GIGYF2: variants seen among roughly 807,000 people sequenced by gnomAD.
The protein encoded by GIGYF2 is GRB10 interacting GYF protein 2.
In GIGYF2, 25 loss-of-function variants were observed where a neutral mutation model predicts 208.1. The ratio of observed to expected loss-of-function variants is 0.12; its 90% CI spans 0.09 to 0.17. The LOEUF (loss-of-function observed/expected upper bound fraction) is 0.17. Ranked by LOEUF, GIGYF2 falls within the 10% of genes least tolerant of loss-of-function variation. The pLI, the probability that GIGYF2 is intolerant of heterozygous loss-of-function variation, is 1.00. For missense variants in GIGYF2, 1,302 were observed against 1,579.4 expected, an observed-to-expected ratio of 0.82 and a Z score of 2.98; for synonymous variants, 534 against 543.8, an observed-to-expected ratio of 0.98 and a Z score of 0.25.
At position 232,756,364 on chromosome 2, in the gene GIGYF2, G is replaced by A. The variant is rs199601372; in HGVS notation, c.379+30G>A. The A allele has an allele frequency of 3.5e-5, 36 of 1,022,506 alleles. No individual in the cohort carries two copies. The East Asian group carries it at 5.3e-4, about 15-fold the overall frequency. The allele number at this position is 1,022,506 out of a possible 1,614,324, so 63.3% of individuals were successfully genotyped here. On this transcript the variant is annotated intron_variant, in intron 6 of 28. Coordinates refer to ENST00000373563, the MANE Select transcript of GIGYF2 (RefSeq NM_001103146.3). ...GCTTTCATATGAAAAAAGTAATAAT[G>A]GAGGAGGAGGAGGAGGATAGAGAAC...
chr2:232,858,902 A>G lies in GIGYF2; in HGVS notation c.*2042A>G, dbSNP rs1044186246. ...CTGCCCTCATACCGCAGACACACCCACTCTGAACACACCCCTCCAGAGCTT... is the reference window on the plus strand; with the variant it reads ...CTGCCCTCATACCGCAGACACACCCGCTCTGAACACACCCCTCCAGAGCTT... On this transcript the variant is annotated 3_prime_UTR_variant, in exon 29 of 29. Transcript: ENST00000373563. The G allele has an allele frequency of 1.4e-5, 3 of 213,480 alleles. No homozygotes were observed. The highest frequency in any genetic ancestry group is 2.8e-5 in the Non-Finnish European group (3 of 106,108). The allele number at this position is 213,480 out of a possible 1,614,324, so 13.2% of individuals were successfully genotyped here. A position where few individuals can be genotyped will look rare whatever the true frequency, so the allele number is the denominator to read the frequency against.
At chr2:232,711,895 A>G (rs1021509153) in intron 2 of GIGYF2, among the ~76,000 whole-genome samples, 2 of 151,594 alleles carry the variant, frequency 1.3e-5, no homozygotes, top group Non-Finnish European at 2.9e-5. Context: ...GTTAGTTGCA[A>G]TATGAAATCC....
intron 2 of GIGYF2, among the ~76,000 whole-genome samples, chr2:232,715,662 A>G (rs1696644481): frequency 6.6e-6 from 1 of 152,114 alleles, no homozygotes; most frequent in Non-Finnish European, 1.5e-5. Context: ...AGTTTGCTTC[A>G]TGAAGTTTTG....
chr2:232,838,408 C>T (rs1389020542), intron 22 of GIGYF2, among the ~76,000 whole-genome samples: 1 of 151,996 alleles, frequency 6.6e-6, no homozygotes, highest in Non-Finnish European at 1.5e-5. Context: ...CTCAGAGGTG[C>T]CCGTGAGGAT....
chr2:232,827,842 TTTAA>T (rs1701297009), intron 21 of GIGYF2, among the ~76,000 whole-genome samples: 1 of 152,254 alleles, frequency 6.6e-6, no homozygotes. Flanking sequence ...TGAGCATTAC[TTTAA>T]TTACGTGTCA....
intron 8 of GIGYF2, chr2:232,768,901 A>G: frequency 5.0e-6 from 6 of 1,205,578 alleles, no homozygotes; most frequent in Non-Finnish European, 7.0e-6. Flanking sequence ...TCAAATATTT[A>G]CACATTTCTT....
At chr2:232,802,820 A>G (rs985012354) in intron 14 of GIGYF2, among the ~76,000 whole-genome samples, 1 of 151,682 alleles carries the variant, frequency 6.6e-6, no homozygotes, top group African/African-American at 2.4e-5. Context: ...GAGAAGGATT[A>G]TGATTAGTTT....
In GIGYF2 at chr2:232,756,277, G is replaced by C. The variant is rs779831949; in HGVS notation, c.322G>C (p.Gly108Arg). 6.4e-7 allele frequency: 1 copy of C among 1,560,378 alleles called. No individual in the cohort carries two copies. The highest frequency in any genetic ancestry group is 1.8e-5 in the Admixed American group (1 of 55,830). The change falls in exon 6 of 29, where the codon GGA becomes CGA. Residue 108 changes from glycine to arginine, a missense_variant. Transcript: ENST00000373563. ...TGCTGTCCTGCGATTGACAGGACGA[G>C]GAGGAGGAGGAACAGTGGTGGGGGC... The part of the protein sequence containing the change: ...SAAVLRLTGR[G>R]GGGTVVGAPR...
chr2:232,787,378 G>A, intron 9 of GIGYF2, 49 bp downstream of exon 9: 1 of 1,497,780 alleles, frequency 6.7e-7, no homozygotes, highest in Non-Finnish European at 9.3e-7. Flanking sequence ...ATAAGGGAAA[G>A]TTTGATGGAA....
chr2:232,831,495 G>T (rs547458274), intron 21 of GIGYF2, among the ~76,000 whole-genome samples: 1 of 152,290 alleles, frequency 6.6e-6, no homozygotes, highest in East Asian at 1.9e-4. Flanking sequence ...CTGTCCTCAA[G>T]AAGCACAGCC....
At chr2:232,704,326 A>G (rs1200577861) in intron 2 of GIGYF2, among the ~76,000 whole-genome samples, 2 of 152,230 alleles carry the variant, frequency 1.3e-5, no homozygotes, top group South Asian at 2.1e-4. Context: ...GTTAACGTAC[A>G]TGCCTATCTA....
intron 9 of GIGYF2, chr2:232,788,697 G>T: frequency 2.4e-5 from 8 of 339,370 alleles, no homozygotes; most frequent in East Asian, 8.9e-5. Flanking sequence ...CTTAGAATTT[G>T]GTTATATATT....
chr2:232,702,706 C>G (rs190836746), intron 1 of GIGYF2, among the ~76,000 whole-genome samples: 14 of 152,288 alleles, frequency 9.2e-5, no homozygotes, highest in African/African-American at 3.1e-4. Context: ...GCTTTGCTCC[C>G]TGGACATTTT....
At chr2:232,733,288 G>A (rs1697587411) in intron 2 of GIGYF2, among the ~76,000 whole-genome samples, 2 of 151,778 alleles carry the variant, frequency 1.3e-5, no homozygotes, top group Admixed American at 1.3e-4. Context: ...TGATGAGGAG[G>A]GGACTAAGTT....
intron 22 of GIGYF2, among the ~76,000 whole-genome samples, chr2:232,836,489 C>T (rs1157514759): frequency 9.3e-5 from 13 of 139,262 alleles, no homozygotes; most frequent in Non-Finnish European, 2.0e-4. Flanking sequence ...TCACTTGAGC[C>T]TGGGAGACAG....
chr2:232,851,413 A>ATTTTTTTTTT (rs5839451), intron 28 of GIGYF2, among the ~76,000 whole-genome samples: 2 of 149,082 alleles, frequency 1.3e-5, no homozygotes. Flanking sequence ...TGAAACTAAC[A>ATTTTTTTTTT]TTTTTTTTTT....
At position 232,699,955 on chromosome 2, in the gene GIGYF2, TA is replaced by T. The variant is rs201996021; in HGVS notation, c.-110+2564del. On this transcript the variant is annotated intron_variant, in intron 1 of 28. Coordinates refer to ENST00000373563, the MANE Select transcript of GIGYF2 (RefSeq NM_001103146.3). Reference sequence around the variant, plus strand: ...TGTCTAGTCTGATACTTAATAGACATATTTTTTTGCAAAAAACATTTTCTGA... The same window carrying T: ...TGTCTAGTCTGATACTTAATAGACATTTTTTTTGCAAAAAACATTTTCTGA... Among the ~76,000 whole-genome samples, 101 of 152,376 alleles carry T rather than the reference TA, an allele frequency of 6.6e-4. 1 individual carries two copies. In the East Asian group the frequency reaches 0.019, roughly 28 times the overall value.
intron 2 of GIGYF2, among the ~76,000 whole-genome samples, chr2:232,716,977 T>C (rs1559379283): frequency 6.6e-6 from 1 of 151,330 alleles, no homozygotes; most frequent in Non-Finnish European, 1.5e-5. Context: ...AGCTAATTTT[T>C]GTTGTTTTTT....
chr2:232,734,875 C>G (rs1370502465), intron 2 of GIGYF2, among the ~76,000 whole-genome samples: 1 of 152,138 alleles, frequency 6.6e-6, no homozygotes, highest in African/African-American at 2.4e-5. Context: ...GTCTCCAATG[C>G]CCTGTGTGGT....
Sources: allele counts gnomAD v4.1 joint callset (sites outside exome capture counted in the v4.1 genomes callset), GRCh38; gene constraint gnomAD v4.1.1; transcripts MANE v1.5; gene names NCBI Gene and HGNC (gene_info 2026-07-23, HGNC 2026-07-21).